Variants in HNRNPUL1 observed in about 807,000 individuals in gnomAD.
HNRNPUL1 encodes heterogeneous nuclear ribonucleoprotein U like 1.
In HNRNPUL1, 14 loss-of-function variants were observed where a neutral mutation model predicts 108.5. That is an observed-to-expected ratio of 0.13 (90% CI 0.09 to 0.20). HNRNPUL1 has a LOEUF of 0.20. Ranked by LOEUF, HNRNPUL1 falls within the 10% of genes least tolerant of loss-of-function variation. HNRNPUL1 has a pLI of 1.00. For missense variants in HNRNPUL1, 804 were observed against 1,168.3 expected (o/e 0.69, Z 4.55); for synonymous variants, 422 against 445.2 (o/e 0.95, Z 0.66).
intron 7 of HNRNPUL1, among the ~76,000 whole-genome samples, chr19:41,291,379 T>C (rs889839304): frequency 6.6e-6 from 1 of 152,208 alleles, no homozygotes; most frequent in Non-Finnish European, 1.5e-5. Context: ...AGGGAACATG[T>C]TGAACAAGCT....
chr19:41,264,471 C>G lies in HNRNPUL1; in HGVS notation c.-33C>G. On this transcript the variant is annotated 5_prime_UTR_variant, in exon 1 of 15. Coordinates refer to ENST00000392006, the MANE Select transcript of HNRNPUL1 (RefSeq NM_007040.6). ...GGGGACAGAGCCCTGGGAGGCCGGGCCGGGCTCGGGGGCCACCCCGGGGGC... is the reference window on the plus strand; with the variant it reads ...GGGGACAGAGCCCTGGGAGGCCGGGGCGGGCTCGGGGGCCACCCCGGGGGC... 1 of 1,340,910 alleles carries G rather than the reference C, an allele frequency of 7.5e-7. No homozygotes were observed. The highest frequency in any genetic ancestry group is 9.6e-7 in the Non-Finnish European group (1 of 1,045,584). 83.1% of individuals were successfully genotyped at this position (1,340,910 alleles called of 1,614,324 possible). A position where few individuals can be genotyped will look rare whatever the true frequency, so the allele number is the denominator to read the frequency against.
intron 4 of HNRNPUL1, among the ~76,000 whole-genome samples, chr19:41,275,443 A>G (rs1224179024): frequency 6.6e-6 from 1 of 152,072 alleles, no homozygotes; most frequent in Non-Finnish European, 1.5e-5. Flanking sequence ...AGCCGAGATC[A>G]TGCCTCCGTA....
intron 7 of HNRNPUL1, among the ~76,000 whole-genome samples, chr19:41,282,994 A>G (rs560840103): frequency 6.6e-6 from 1 of 151,876 alleles, no homozygotes; most frequent in Admixed American, 6.6e-5. Context: ...GCGCCCGGCC[A>G]TTTTTTTCAA....
intron 1 of HNRNPUL1, among the ~76,000 whole-genome samples, chr19:41,267,674 C>T (rs928950521): frequency 2.9e-4 from 44 of 152,370 alleles, no homozygotes; most frequent in Admixed American, 5.9e-4. Flanking sequence ...CTCACGGCTC[C>T]TGGCATAGCC....
intron 10 of HNRNPUL1, among the ~76,000 whole-genome samples, chr19:41,297,632 G>A (rs2036965586): frequency 6.6e-6 from 1 of 152,104 alleles, no homozygotes; most frequent in African/African-American, 2.4e-5. Context: ...GAGGCTTCTG[G>A]GGAGCCTCCG....
intron 11 of HNRNPUL1, chr19:41,302,410 G>C (rs948847778): frequency 2.2e-5 from 11 of 505,838 alleles, no homozygotes; most frequent in African/African-American, 1.9e-4. Context: ...GTAGAGATGG[G>C]GTTTTGCCAT....
chr19:41,279,537 T>C (rs2035781410), intron 6 of HNRNPUL1, among the ~76,000 whole-genome samples: 1 of 152,228 alleles, frequency 6.6e-6, no homozygotes, highest in Admixed American at 6.5e-5. Flanking sequence ...CTGTATTTTC[T>C]GTCCGGAGCC....
At position 41,306,746 on chromosome 19, in the gene HNRNPUL1, A is replaced by G. The variant is rs1010154924; in HGVS notation, c.*181A>G. ...TTCCTTCCCCTCCATAGGGCCAGGC[A>G]TTTTTTTCTGGATTCAAACAGGCAA... On this transcript the variant is annotated 3_prime_UTR_variant, in exon 15 of 15. Coordinates refer to ENST00000392006, the MANE Select transcript of HNRNPUL1 (RefSeq NM_007040.6). 7 of 407,570 alleles carry G rather than the reference A, an allele frequency of 1.7e-5. No homozygotes were observed. The highest frequency in any genetic ancestry group is 1.4e-4 in the African/African-American group (7 of 48,588). The allele number at this position is 407,570 out of a possible 1,614,324, so 25.2% of individuals were successfully genotyped here.
intron 7 of HNRNPUL1, among the ~76,000 whole-genome samples, chr19:41,284,927 C>T (rs992490733): frequency 4.8e-5 from 7 of 145,918 alleles, no homozygotes; most frequent in Non-Finnish European, 7.4e-5. Flanking sequence ...CCCTGGGAGG[C>T]GGAGCTTGCA....
At chr19:41,299,305 T>C (rs1356550982) in intron 10 of HNRNPUL1, among the ~76,000 whole-genome samples, 2 of 152,158 alleles carry the variant, frequency 1.3e-5, no homozygotes, top group Admixed American at 1.3e-4. Context: ...TCCTGGCGCG[T>C]GTTTCAGGGC....
At chr19:41,303,919 G>A in intron 12 of HNRNPUL1, 53 bp from the exon 13 acceptor site, 1 of 1,566,234 alleles carries the variant, frequency 6.4e-7, no homozygotes, top group Admixed American at 1.8e-5. Context: ...CCAGTTCCCT[G>A]GGGTTGCCAT....
At chr19:41,264,288 G>A (rs896134627), upstream of HNRNPUL1, 1 of 408,896 alleles carries the variant, frequency 2.4e-6, no homozygotes, top group East Asian at 3.6e-5. Flanking sequence ...CCGGGCCCGC[G>A]CCCGTTGCCC....
chr19:41,273,927 T>G, intron 3 of HNRNPUL1, 55 bp from the exon 4 acceptor site: 1 of 1,373,716 alleles, frequency 7.3e-7, no homozygotes, highest in Non-Finnish European at 1.0e-6. Flanking sequence ...TTCATTTTCT[T>G]TCCTTTGTGC....
chr19:41,293,034 CCCA>C (rs1194070690), intron 8 of HNRNPUL1, among the ~76,000 whole-genome samples: 1 of 151,952 alleles, frequency 6.6e-6, no homozygotes, highest in Non-Finnish European at 1.5e-5. Context: ...CTGAGCCTGG[CCCA>C]CCGAGTGTTC....
intron 7 of HNRNPUL1, chr19:41,286,565 G>C (rs2036238853): frequency 6.6e-6 from 1 of 152,110 alleles, no homozygotes; most frequent in Non-Finnish European, 1.5e-5. Flanking sequence ...ACTCCCAGGA[G>C]GTCACCATAT....
rs751392026 is a variant in HNRNPUL1, at chr19:41,264,770, C to T, written c.267C>T (p.Pro89=). 5.1e-6 allele frequency: 7 copies of T among 1,373,138 alleles called. No homozygotes were observed. The East Asian group carries it at 1.8e-4, about 34-fold the overall frequency. 85.1% of individuals were successfully genotyped at this position (1,373,138 alleles called of 1,614,324 possible). A position where few individuals can be genotyped will look rare whatever the true frequency, so the allele number is the denominator to read the frequency against. The change falls in exon 1 of 15, where the codon CCC becomes CCT. Residue 89 remains proline (P), a synonymous_variant. Transcript: ENST00000392006. ...CCGGGCTGCAGCCGCACGCGGAGCC[C>T]GGCGGCTACTCGGGGCCGGACGGAC... is the stretch of plus-strand genomic sequence containing the variant. ...PPPGLQPHAE[P]GGYSGPDGHY...
Position 41,294,936 on chromosome 19 carries a change from T to A in HNRNPUL1, c.1518+250T>A, listed in dbSNP as rs572066281. Among the ~76,000 whole-genome samples the A allele has an allele frequency of 6.6e-6, 1 of 152,284 alleles. No homozygotes were observed. The highest frequency in any genetic ancestry group is 1.9e-4 in the East Asian group (1 of 5,178). ...CAAAGAACATCAGGTAAGAACTGTT[T>A]AGCAAAATGGAAGGAGTATGGATTT... is the stretch of plus-strand genomic sequence containing the variant. On this transcript the variant is annotated intron_variant, in intron 10 of 14. Transcript: ENST00000392006. This position sits in a 1 kb window ranked among gnomAD's most constrained non-coding sequence, Gnocchi z 4.3.
At chr19:41,296,054 A>G (rs2122870371) in intron 10 of HNRNPUL1, among the ~76,000 whole-genome samples, 1 of 152,304 alleles carries the variant, frequency 6.6e-6, no homozygotes, top group South Asian at 2.1e-4. Context: ...CATTGTCGTG[A>G]AAGGGAGAGC....
At chr19:41,278,581 G>A (rs2035715048) in intron 5 of HNRNPUL1, 1 of 155,736 alleles carries the variant, frequency 6.4e-6, no homozygotes, top group Non-Finnish European at 1.4e-5. Flanking sequence ...CTGAGTTATA[G>A]AGCATGTGCA....
Sources: gnomAD v4.1 joint callset for allele counts (sites outside exome capture counted in the v4.1 genomes callset) on GRCh38, gnomAD v4.1.1 for gene constraint, Gnocchi (gnomAD v3.1) non-coding constraint, MANE v1.5 for transcripts, NCBI Gene and HGNC (gene_info 2026-07-23, HGNC 2026-07-21) for gene names.